Variants in HYDIN observed in about 807,000 individuals in gnomAD.
HYDIN encodes the protein axonemal central pair apparatus protein HYDIN.
HYDIN carries 132 observed loss-of-function variants against 403.9 expected under a neutral mutation model. The ratio of observed to expected loss-of-function variants is 0.33; its 90% confidence interval spans 0.28 to 0.38. The LOEUF (loss-of-function observed/expected upper bound fraction) is 0.38. Among genes scored for constraint, HYDIN ranks in the 10% least tolerant of loss-of-function variants. The pLI is 1.00. For synonymous variants in HYDIN, 1,202 were observed against 1,891.7 expected (o/e 0.64, Z 9.46); for missense variants, 2,827 against 5,009.5 (o/e 0.56, Z 13.15).
chr16:71,222,675 C>T (rs1019522404), intron 1 of HYDIN, among the ~76,000 whole-genome samples: 5 of 151,996 alleles, frequency 3.3e-5, no homozygotes, highest in Admixed American at 1.3e-4. Flanking sequence ...AGTAGCACTG[C>T]TCTACACCAA....
chr16:70,877,929 G>A (rs1222858800), intron 62 of HYDIN, among the ~76,000 whole-genome samples: 2 of 151,962 alleles, frequency 1.3e-5, no homozygotes, highest in Non-Finnish European at 2.9e-5. Flanking sequence ...TAAAATGAAG[G>A]AGAAATAGAG....
chr16:71,175,327 A>C (rs2086627663), intron 5 of HYDIN, among the ~76,000 whole-genome samples: 1 of 151,982 alleles, frequency 6.6e-6, no homozygotes. Context: ...ACCAACATCA[A>C]TAACACTACC....
At chr16:71,206,133 G>C (rs1437771322) in intron 1 of HYDIN, among the ~76,000 whole-genome samples, 3 of 152,182 alleles carry the variant, frequency 2.0e-5, no homozygotes, top group Admixed American at 6.5e-5. Context: ...CAACTCAGCA[G>C]TCCCATTTCC....
At chr16:70,883,111 C>T (rs1313841466) in intron 59 of HYDIN, among the ~76,000 whole-genome samples, 2 of 152,338 alleles carry the variant, frequency 1.3e-5, no homozygotes, top group African/African-American at 4.8e-5. Context: ...GCATTTTTCT[C>T]CCAATGGTAA....
At chr16:71,133,340 G>C (rs2084788570) in intron 8 of HYDIN, 1 of 450,476 alleles carries the variant, frequency 2.2e-6, no homozygotes, top group Non-Finnish European at 4.4e-6. Context: ...TGTGATCAAT[G>C]TTACAAATGA....
At chr16:71,137,907 A>G (rs867280371) in intron 7 of HYDIN, among the ~76,000 whole-genome samples, 15 of 150,382 alleles carry the variant, frequency 1.0e-4, no homozygotes, top group South Asian at 2.1e-4. Context: ...AAAACAAAAC[A>G]AAACAAAAGA....
At chr16:70,888,938 G>A (rs372326544) in intron 58 of HYDIN, among the ~76,000 whole-genome samples, 2,325 of 152,118 alleles carry the variant, frequency 0.015, no homozygotes, top group African/African-American at 0.053. Context: ...GAAGTTTTCT[G>A]TCTTTCTAGG....
chr16:71,124,170 T>C (rs192776582), intron 9 of HYDIN, among the ~76,000 whole-genome samples: 4,429 of 151,574 alleles, frequency 0.029, 91 homozygotes, highest in Non-Finnish European at 0.042. Flanking sequence ...ATGCCCAGGA[T>C]GCCCAAGACT....
chr16:70,986,267 G>C (rs1251678772), intron 27 of HYDIN, among the ~76,000 whole-genome samples: 4 of 146,888 alleles, frequency 2.7e-5, no homozygotes, highest in African/African-American at 1.0e-4. Context: ...CTTTTTCCTG[G>C]AATTTTGCTA....
chr16:71,105,012 G>A (rs2083569861), intron 10 of HYDIN, among the ~76,000 whole-genome samples: 1 of 136,230 alleles, frequency 7.3e-6, no homozygotes, highest in Non-Finnish European at 1.6e-5. Context: ...AAGAGTTTGA[G>A]GTAATAAAAA....
rs1273145787 is a variant in HYDIN, at chr16:70,826,495, CTCTT to C, written c.14427+762_14427+765del. Among the ~76,000 whole-genome samples, 5 of 152,078 alleles carry C rather than the reference CTCTT, an allele frequency of 3.3e-5. No homozygotes were observed. In the East Asian group the frequency reaches 9.7e-4, roughly 29 times the overall value. On this transcript the variant is annotated intron_variant, in intron 83 of 85. Transcript: ENST00000393567. ...TAAAGTTTTCTGTTTGCTTTAATAA[CTCTT>C]TCTTTTCAGAGGTGATTTACTCATT... is the stretch of plus-strand genomic sequence containing the variant.
intron 11 of HYDIN, among the ~76,000 whole-genome samples, chr16:71,089,249 C>T (rs1439879859): frequency 2.0e-5 from 3 of 152,004 alleles, no homozygotes; most frequent in East Asian, 1.9e-4. Flanking sequence ...CCTTCATGCA[C>T]ACTCGTGATA....
At chr16:71,033,579 T>C (rs1440039909) in intron 18 of HYDIN, among the ~76,000 whole-genome samples, 2 of 142,524 alleles carry the variant, frequency 1.4e-5, no homozygotes, top group Non-Finnish European at 3.0e-5. Context: ...AGCTGAACAA[T>C]GAGAACACAT....
At chr16:71,133,362 T>C (rs573704128) in intron 8 of HYDIN, 913 of 427,396 alleles carry the variant, frequency 2.1e-3, no homozygotes, top group Non-Finnish European at 3.3e-3. Context: ...GAACTAGAGA[T>C]CCTCTCCCTG....
chr16:71,040,811 A>G (rs1182564358), intron 18 of HYDIN, among the ~76,000 whole-genome samples: 1 of 112,220 alleles, frequency 8.9e-6, no homozygotes, highest in African/African-American at 3.5e-5. Flanking sequence ...ACCTTTCCCA[A>G]GTGTCCCAAG....
chr16:71,108,757 T>G (rs2083709930), intron 10 of HYDIN, among the ~76,000 whole-genome samples: 1 of 151,782 alleles, frequency 6.6e-6, no homozygotes, highest in Non-Finnish European at 1.5e-5. Context: ...AGAAACAAAG[T>G]CCAACATGGG....
intron 18 of HYDIN, among the ~76,000 whole-genome samples, chr16:71,048,644 C>T (rs1438859038): frequency 6.6e-6 from 1 of 151,400 alleles, no homozygotes; most frequent in Non-Finnish European, 1.5e-5. Context: ...AACCAAATAC[C>T]ACATGTAAGT....
At chr16:71,019,675 C>T (rs1163076831) in intron 22 of HYDIN, among the ~76,000 whole-genome samples, 5 of 152,116 alleles carry the variant, frequency 3.3e-5, no homozygotes, top group Non-Finnish European at 7.4e-5. Flanking sequence ...CAAAAATTTA[C>T]ATTATATATA....
intron 75 of HYDIN, among the ~76,000 whole-genome samples, chr16:70,849,015 A>G (rs1238671717): frequency 2.0e-5 from 3 of 152,040 alleles, no homozygotes; most frequent in Non-Finnish European, 4.4e-5. Flanking sequence ...AGGTCAAATA[A>G]AAGCTATCCC....
Sources: allele counts gnomAD v4.1 joint callset (sites outside exome capture counted in the v4.1 genomes callset), GRCh38; gene constraint gnomAD v4.1.1; transcripts MANE v1.5; gene names NCBI Gene and HGNC (gene_info 2026-07-23, HGNC 2026-07-21).